The following SPIRE1 variants were observed in gnomAD, a reference collection of about 807,000 sequenced individuals.
SPIRE1 encodes the protein protein spire homolog 1.
In SPIRE1, 40 loss-of-function variants were observed where a neutral mutation model predicts 94.1. That is an observed-to-expected ratio of 0.43 (90% CI 0.33 to 0.55). The LOEUF is 0.55. Ranked by LOEUF, SPIRE1 falls within the 20% of genes least tolerant of loss-of-function variation. The probability of loss-of-function intolerance (pLI) is 0.06; values close to 1 mark genes in which losing one functional copy is unlikely to be tolerated. For missense variants in SPIRE1, 838 were observed against 975.2 expected (o/e 0.86, Z 1.87); for synonymous variants, 376 against 371.7 (o/e 1.01, Z -0.13).
At chr18:12,542,356 T>G (rs1293379023) in intron 3 of SPIRE1, among the ~76,000 whole-genome samples, 1 of 152,230 alleles carries the variant, frequency 6.6e-6, no homozygotes, top group African/African-American at 2.4e-5. Flanking sequence ...CACGTCAATT[T>G]AGACTAACCA....
At position 12,513,391 on chromosome 18, in the gene SPIRE1, TAAA is replaced by T. The variant is rs535253520; in HGVS notation, c.730-863_730-861del. On this transcript the variant is annotated intron_variant, in intron 4 of 16. Coordinates refer to ENST00000409402, the MANE Select transcript of SPIRE1 (RefSeq NM_001128626.2). ...GCCTGCCTGCACTTAAACTGAGTTTTAAAAAAATTTTTCCCTAATCCCCACGTT... is the reference window on the plus strand; with the variant it reads ...GCCTGCCTGCACTTAAACTGAGTTTTAAAATTTTTCCCTAATCCCCACGTT... 1.1e-4 allele frequency among the ~76,000 whole-genome samples: 17 copies of T among 152,306 alleles called. No homozygotes were observed. The South Asian group carries it at 3.1e-3, about 28-fold the overall frequency.
chr18:12,609,451 A>G (rs1831803959), intron 2 of SPIRE1, among the ~76,000 whole-genome samples: 1 of 152,148 alleles, frequency 6.6e-6, no homozygotes, highest in South Asian at 2.1e-4. Flanking sequence ...TTTGAGAGCC[A>G]GTTTACCAGC....
At chr18:12,558,513 T>C (rs8089619) in intron 2 of SPIRE1, among the ~76,000 whole-genome samples, 51,536 of 152,094 alleles carry the variant, frequency 0.34, 10,239 homozygotes, top group East Asian at 0.58. Context: ...AGCCTGCTTT[T>C]ATTCTCTTAT....
At chr18:12,468,030 T>A (rs1255940571) in intron 10 of SPIRE1, among the ~76,000 whole-genome samples, 1 of 152,176 alleles carries the variant, frequency 6.6e-6, no homozygotes, top group Non-Finnish European at 1.5e-5. Flanking sequence ...GAGAATTAGA[T>A]CACGTTTCTT....
chr18:12,587,681 C>T (rs1398677504), intron 2 of SPIRE1, among the ~76,000 whole-genome samples: 1 of 152,126 alleles, frequency 6.6e-6, no homozygotes, highest in Admixed American at 6.5e-5. Context: ...CTGAGAACTA[C>T]TGGTCTAACA....
intron 4 of SPIRE1, 92 bp from the exon 5 acceptor site, chr18:12,512,623 C>CA: frequency 1.3e-6 from 1 of 779,290 alleles, no homozygotes. Context: ...GACATATATT[C>CA]AAGTACCAGT....
At chr18:12,488,873 G>C (rs1239866515) in intron 8 of SPIRE1, among the ~76,000 whole-genome samples, 1 of 152,114 alleles carries the variant, frequency 6.6e-6, no homozygotes, top group Non-Finnish European at 1.5e-5. Context: ...ATTGATTAGG[G>C]ATTTTGTGTT....
intron 2 of SPIRE1, among the ~76,000 whole-genome samples, chr18:12,576,657 A>G (rs1249657373): frequency 6.6e-6 from 1 of 151,410 alleles, no homozygotes; most frequent in Admixed American, 6.6e-5. Flanking sequence ...TGGGAGGCCA[A>G]GGCGGGCAGA....
intron 7 of SPIRE1, among the ~76,000 whole-genome samples, chr18:12,494,963 T>A (rs1044590699): frequency 6.9e-6 from 1 of 145,704 alleles, no homozygotes; most frequent in Non-Finnish European, 1.5e-5. Context: ...GGCAGGAGAA[T>A]GGCGTGAACC....
intron 3 of SPIRE1, among the ~76,000 whole-genome samples, chr18:12,546,401 G>A (rs2035170334): frequency 6.6e-6 from 1 of 152,082 alleles, no homozygotes; most frequent in Non-Finnish European, 1.5e-5. Context: ...GGGAGGCCAA[G>A]GCAGGAGAAT....
intron 12 of SPIRE1, among the ~76,000 whole-genome samples, chr18:12,461,427 TG>T (rs2031798424): frequency 7.0e-6 from 1 of 142,542 alleles, no homozygotes; most frequent in African/African-American, 2.8e-5. Context: ...TGTGTGTGTG[TG>T]TATGTATGTA....
intron 9 of SPIRE1, among the ~76,000 whole-genome samples, chr18:12,481,285 C>G (rs1242307748): frequency 7.7e-6 from 1 of 130,124 alleles, no homozygotes; most frequent in Admixed American, 8.3e-5. Context: ...AACCCCCGCC[C>G]CCCGCAAGAA....
intron 2 of SPIRE1, among the ~76,000 whole-genome samples, chr18:12,561,529 G>C (rs2035685723): frequency 1.3e-5 from 2 of 152,100 alleles, no homozygotes; most frequent in South Asian, 4.1e-4. Context: ...GCCTCCCGAA[G>C]TGCTGGGATT....
At chr18:12,461,422 G>GTGTGTATGTATGTACATACATACA (rs1555680886) in intron 12 of SPIRE1, among the ~76,000 whole-genome samples, 3 of 127,704 alleles carry the variant, frequency 2.3e-5, no homozygotes, top group East Asian at 2.6e-4. Context: ...GTATGTGTGT[G>GTGTGTATGTATGTACATACATACA]TGTGTGTATG....
In SPIRE1 at chr18:12,576,201, C is replaced by CA. The variant is rs1247766782; in HGVS notation, c.373-29298dup. Reference sequence around the variant, plus strand: ...CTGGGCGATATAGTGAGACTCGTCTCAAAAAAAAGAAAAAAAGTATATGGA... The same window carrying CA: ...CTGGGCGATATAGTGAGACTCGTCTCAAAAAAAAAGAAAAAAAGTATATGGA... On this transcript the variant is annotated intron_variant, in intron 2 of 16. Coordinates refer to ENST00000409402, the MANE Select transcript of SPIRE1 (RefSeq NM_001128626.2). Among the ~76,000 whole-genome samples the CA allele has an allele frequency of 4.1e-5, 6 of 147,426 alleles. No homozygotes were observed. The South Asian group carries it at 6.4e-4, about 16-fold the overall frequency.
intron 4 of SPIRE1, among the ~76,000 whole-genome samples, chr18:12,526,554 G>C (rs1598437024): frequency 6.6e-6 from 1 of 152,314 alleles, no homozygotes; most frequent in East Asian, 1.9e-4. Flanking sequence ...GAGAAAGGCA[G>C]TAAGAGTAGC....
At chr18:12,472,852 GC>G (rs1229693206) in intron 10 of SPIRE1, among the ~76,000 whole-genome samples, 4 of 152,178 alleles carry the variant, frequency 2.6e-5, no homozygotes, top group Non-Finnish European at 5.9e-5. Context: ...GAGTGCAGTG[GC>G]GTGATCTTGG....
At position 12,452,410 on chromosome 18, in the gene SPIRE1, C is replaced by T. The variant is rs1334189481; in HGVS notation, c.1876-19G>A. The T allele has an allele frequency of 3.1e-6, 5 of 1,614,142 alleles. No individual in the cohort carries two copies. Among genetic ancestry groups the T allele is most frequent in the Non-Finnish European group, 4.2e-6 (5 of 1,180,020 alleles). On this transcript the variant is annotated intron_variant, in intron 15 of 16. Coordinates refer to ENST00000409402, the MANE Select transcript of SPIRE1 (RefSeq NM_001128626.2). ...GCCGCATCTATTATCCCAAATAAAA[C>T]TGGCAATGAGCAGTACCGTTAAAGA...
chr18:12,632,565 T>A (rs2037811835), intron 2 of SPIRE1, among the ~76,000 whole-genome samples: 1 of 152,196 alleles, frequency 6.6e-6, no homozygotes, highest in South Asian at 2.1e-4. Context: ...ACAATATGGA[T>A]AAATGACCAT....
Sources: allele counts gnomAD v4.1 joint callset (sites outside exome capture counted in the v4.1 genomes callset), GRCh38; gene constraint gnomAD v4.1.1; transcripts MANE v1.5; gene names NCBI Gene and HGNC (gene_info 2026-07-23, HGNC 2026-07-21).